LYRM7: variants seen among roughly 807,000 people sequenced by gnomAD.
LYRM7 encodes LYR motif containing 7.
Under a neutral mutation model 15.8 loss-of-function variants are expected in LYRM7, and 9 were observed. That is an observed-to-expected ratio of 0.57 (90% confidence interval 0.34 to 0.99). LYRM7 has a LOEUF of 0.99. Among genes scored for constraint, LYRM7 ranks in the 50% least tolerant of loss-of-function variants. The pLI is 0.02. For missense variants in LYRM7, 115 were observed against 119.1 expected (o/e 0.97, Z 0.16); for synonymous variants, 39 against 39.4 (o/e 0.99, Z 0.04).
chr5:131,196,949 C>T (rs1755974822), intron 4 of LYRM7, among the ~76,000 whole-genome samples: 1 of 152,160 alleles, frequency 6.6e-6, no homozygotes, highest in Admixed American at 6.5e-5. Flanking sequence ...AGCCACCATG[C>T]CTGTCCTTTA....
chr5:131,195,526 G>A (rs1755950389), intron 4 of LYRM7, among the ~76,000 whole-genome samples: 1 of 152,112 alleles, frequency 6.6e-6, no homozygotes, highest in South Asian at 2.1e-4. Flanking sequence ...TAAGATCGAT[G>A]CCTCAAGACT....
At chr5:131,182,378 T>A in intron 3 of LYRM7, 79 bp downstream of exon 3, 1 of 1,194,758 alleles carries the variant, frequency 8.4e-7, no homozygotes, top group Non-Finnish European at 1.1e-6. Context: ...AGAGGGGTTA[T>A]GTAAAATAAA....
At chr5:131,187,546 G>A (rs1755817763) in intron 4 of LYRM7, among the ~76,000 whole-genome samples, 1 of 151,036 alleles carries the variant, frequency 6.6e-6, no homozygotes, top group South Asian at 2.1e-4. Flanking sequence ...GTGCAGTAGT[G>A]CGATCTTGGC....
chr5:131,192,080 C>CAA lies in LYRM7; in HGVS notation c.244+4972_244+4973dup, dbSNP rs1046998103. Among the ~76,000 whole-genome samples the CAA allele has an allele frequency of 4.3e-5, 6 of 139,382 alleles. No individual in the cohort carries two copies. In the East Asian group the frequency reaches 6.3e-4, roughly 15 times the overall value. The allele number at this position is 139,382 out of a possible 152,430, so 91.4% of individuals were successfully genotyped here. On this transcript the variant is annotated intron_variant, in intron 4 of 4. Transcript: ENST00000379380. ...ACACACACACACACACACACACACACAATGCAATATTATTCAGCCATAAAA... is the reference window on the plus strand; with the variant it reads ...ACACACACACACACACACACACACACAAAATGCAATATTATTCAGCCATAAAA...
intron 4 of LYRM7, among the ~76,000 whole-genome samples, chr5:131,189,781 A>G (rs1483157430): frequency 2.6e-5 from 4 of 152,190 alleles, no homozygotes; most frequent in Admixed American, 6.5e-5. Flanking sequence ...CCTACCTGGT[A>G]GTATAAGTCC....
intron 2 of LYRM7, among the ~76,000 whole-genome samples, chr5:131,181,662 A>G (rs1410624880): frequency 6.6e-6 from 1 of 151,650 alleles, no homozygotes; most frequent in East Asian, 1.9e-4. Context: ...CAGCAGCACA[A>G]TAAGACCAGT....
intron 4 of LYRM7, 59 bp from the exon 5 acceptor site, chr5:131,199,472 C>T (rs910553661): frequency 6.8e-6 from 8 of 1,181,806 alleles, no homozygotes; most frequent in Admixed American, 2.3e-5. Context: ...AATGAGTGTC[C>T]TTGCATTTAA....
chr5:131,173,555 C>T (rs981743254), intron 1 of LYRM7, among the ~76,000 whole-genome samples: 1 of 152,118 alleles, frequency 6.6e-6, no homozygotes, highest in East Asian at 1.9e-4. Flanking sequence ...ACCCATCTGG[C>T]CAACGCAGTG....
Position 131,203,365 on chromosome 5 carries a change from G to A in LYRM7, c.*3764G>A, listed in dbSNP as rs1756109085. Reference sequence around the variant, plus strand: ...GAGAGATATACTATGTTCCTAGATAGGACAATTGAAAATTCTGGAGATGAC... The same window carrying A: ...GAGAGATATACTATGTTCCTAGATAAGACAATTGAAAATTCTGGAGATGAC... On this transcript the variant is annotated 3_prime_UTR_variant, in exon 5 of 5. Transcript: ENST00000379380. 1 of 152,170 alleles carries A rather than the reference G, an allele frequency of 6.6e-6. No homozygotes were observed. The highest frequency in any genetic ancestry group is 6.5e-5 in the Admixed American group (1 of 15,282). 9.4% of individuals were successfully genotyped at this position (152,170 alleles called of 1,614,324 possible). A position where few individuals can be genotyped will look rare whatever the true frequency, so the allele number is the denominator to read the frequency against.
intron 1 of LYRM7, among the ~76,000 whole-genome samples, chr5:131,173,968 CATTG>C (rs899813955): frequency 2.6e-5 from 4 of 152,184 alleles, no homozygotes; most frequent in Admixed American, 2.0e-4. Context: ...AAGTTGACCA[CATTG>C]ATTGACTCTT....
rs760611564 is a variant in LYRM7 at position 131,204,031 on chromosome 5, G to A, written c.*4430G>A. ...TATCCAATATTTTTAAAGGTTGTAAGACTATAAGGAAATAGCCACTGTCAT... is the reference window on the plus strand; with the variant it reads ...TATCCAATATTTTTAAAGGTTGTAAAACTATAAGGAAATAGCCACTGTCAT... On this transcript the variant is annotated 3_prime_UTR_variant, in exon 5 of 5. Coordinates refer to ENST00000379380, the MANE Select transcript of LYRM7 (RefSeq NM_181705.4). The A allele has an allele frequency of 6.6e-6, 1 of 151,708 alleles. No individual in the cohort carries two copies. The highest frequency in any genetic ancestry group is 2.4e-5 in the African/African-American group (1 of 41,368). The allele number at this position is 151,708 out of a possible 1,614,324, so 9.4% of individuals were successfully genotyped here.
chr5:131,171,730 C>T (rs1047721691), intron 1 of LYRM7: 12 of 152,158 alleles, frequency 7.9e-5, no homozygotes, highest in Admixed American at 7.9e-4. Context: ...GTAGTTGTCA[C>T]TGGCTGAAAC....
intron 1 of LYRM7, among the ~76,000 whole-genome samples, chr5:131,175,218 T>C (rs1357601484): frequency 2.3e-5 from 3 of 131,280 alleles, no homozygotes; most frequent in African/African-American, 1.0e-4. Flanking sequence ...TTTTTTTTGG[T>C]GATGGAGTTT....
chr5:131,173,212 A>G (rs1017054936), intron 1 of LYRM7, among the ~76,000 whole-genome samples: 7 of 152,228 alleles, frequency 4.6e-5, no homozygotes, highest in African/African-American at 1.7e-4. Context: ...CCAGGCTTTT[A>G]CTATCAAGCA....
chr5:131,174,551 A>G (rs1481956929), intron 1 of LYRM7, among the ~76,000 whole-genome samples: 1 of 152,180 alleles, frequency 6.6e-6, no homozygotes, highest in Non-Finnish European at 1.5e-5. Flanking sequence ...TAGCCTTATG[A>G]GTCTTTTAAA....
chr5:131,184,763 G>A (rs149897597), intron 3 of LYRM7, among the ~76,000 whole-genome samples: 1 of 151,600 alleles, frequency 6.6e-6, no homozygotes. Context: ...CTCAGTTTAT[G>A]TACCTCCAGT....
At chr5:131,172,206 G>C (rs1031814431) in intron 1 of LYRM7, among the ~76,000 whole-genome samples, 2 of 152,194 alleles carry the variant, frequency 1.3e-5, no homozygotes, top group Non-Finnish European at 2.9e-5. Context: ...ATGAGGTCGA[G>C]AGTTCGAGAC....
At chr5:131,192,436 AC>A (rs1285970536) in intron 4 of LYRM7, among the ~76,000 whole-genome samples, 1 of 152,222 alleles carries the variant, frequency 6.6e-6, no homozygotes, top group Non-Finnish European at 1.5e-5. Flanking sequence ...AATATTCCTA[AC>A]ACAAAGAAAT....
intron 1 of LYRM7, among the ~76,000 whole-genome samples, chr5:131,174,428 T>G (rs1755566723): frequency 6.6e-6 from 1 of 152,268 alleles, no homozygotes; most frequent in Non-Finnish European, 1.5e-5. Flanking sequence ...GTTGCTATTT[T>G]GGCCTCCTCT....
Sources: allele counts gnomAD v4.1 joint callset (sites outside exome capture counted in the v4.1 genomes callset), GRCh38; gene constraint gnomAD v4.1.1; transcripts MANE v1.5; gene names NCBI Gene and HGNC (gene_info 2026-07-23, HGNC 2026-07-21).